Variants in SDC1 observed in about 807,000 individuals in gnomAD.
SDC1 encodes syndecan-1.
A neutral mutation model predicts 29.7 loss-of-function variants in SDC1; 14 were observed. The ratio of observed to expected loss-of-function variants is 0.47; its 90% CI spans 0.31 to 0.74. The LOEUF (loss-of-function observed/expected upper bound fraction) is 0.74. Ranked by LOEUF, SDC1 falls within the 30% of genes least tolerant of loss-of-function variation. SDC1 has a pLI of 0.05. For missense variants in SDC1, 406 were observed against 400.3 expected (o/e 1.01, Z -0.12); for synonymous variants, 204 against 175.5 (o/e 1.16, Z -1.29).
At chr2:20,219,638 C>G (rs533697096) in intron 1 of SDC1, among the ~76,000 whole-genome samples, 4 of 152,326 alleles carry the variant, frequency 2.6e-5, no homozygotes, top group African/African-American at 9.6e-5. Context: ...TCTGCTGGAA[C>G]AGCTGAGAGA....
In SDC1 at chr2:20,202,599, G is replaced by T; in HGVS notation, c.*167C>A. On this transcript the variant is annotated 3_prime_UTR_variant, in exon 5 of 5. Coordinates refer to ENST00000254351, the MANE Select transcript of SDC1 (RefSeq NM_002997.5). ...CAGGCAGAAGTCAGAGAAGCAGAGT[G>T]GAGCTCCCAGCACACCCCACGACTC... is the stretch of plus-strand genomic sequence containing the variant. The T allele has an allele frequency of 1.5e-6, 1 of 687,178 alleles. No individual in the cohort carries two copies. The highest frequency in any genetic ancestry group is 2.5e-6 in the Non-Finnish European group (1 of 398,274). 42.6% of individuals were successfully genotyped at this position (687,178 alleles called of 1,614,324 possible).
chr2:20,223,353 C>A, intron 1 of SDC1: 1 of 1,219,978 alleles, frequency 8.2e-7, no homozygotes, highest in Non-Finnish European at 1.1e-6. Context: ...GGAGGGTCAG[C>A]GCTGCTGAGA....
intron 2 of SDC1, 80 bp downstream of exon 2, chr2:20,205,259 TAAAC>T: frequency 9.4e-7 from 1 of 1,068,686 alleles, no homozygotes; most frequent in Non-Finnish European, 1.5e-6. Flanking sequence ...ACATGCTCAG[TAAAC>T]ACAGGAGACT....
intron 1 of SDC1, chr2:20,207,846 C>T: frequency 1.4e-6 from 1 of 693,570 alleles, no homozygotes; most frequent in Non-Finnish European, 1.8e-6. Context: ...CTGCCCTGGC[C>T]TCCCTCAACC....
In SDC1 at chr2:20,202,488, G is replaced by T; in HGVS notation, c.*278C>A. The T allele has an allele frequency of 1.7e-6, 1 of 592,964 alleles. No homozygotes were observed. The highest frequency in any genetic ancestry group is 3.0e-6 in the Non-Finnish European group (1 of 333,828). The allele number at this position is 592,964 out of a possible 1,614,324, so 36.7% of individuals were successfully genotyped here. A position where few individuals can be genotyped will look rare whatever the true frequency, so the allele number is the denominator to read the frequency against. Reference sequence around the variant, plus strand: ...CCTGGGGAGAGGCTGCTTCAGTTTGGAGAAACCGAGTCAGAATGGTGCGAT... The same window carrying T: ...CCTGGGGAGAGGCTGCTTCAGTTTGTAGAAACCGAGTCAGAATGGTGCGAT... On this transcript the variant is annotated 3_prime_UTR_variant, in exon 5 of 5. Transcript: ENST00000254351.
intron 1 of SDC1, among the ~76,000 whole-genome samples, chr2:20,219,410 G>A (rs1467167590): frequency 6.6e-6 from 1 of 152,180 alleles, no homozygotes; most frequent in Non-Finnish European, 1.5e-5. Context: ...CGATGGCGTG[G>A]GCCCCATGAC....
Position 20,225,123 on chromosome 2 carries a change from CA to C in SDC1, c.-257del. The C allele has an allele frequency of 6.5e-6, 2 of 308,376 alleles. No homozygotes were observed. Among genetic ancestry groups the C allele is most frequent in the Non-Finnish European group, 1.1e-5 (2 of 177,846 alleles). 19.1% of individuals were successfully genotyped at this position (308,376 alleles called of 1,614,324 possible). Reference sequence around the variant, plus strand: ...CCCACAGGCCCTTCCTTAGCCGTTGCAAAAACTGGCCCCCCACCCCCAGCTC... The same window carrying C: ...CCCACAGGCCCTTCCTTAGCCGTTGCAAAACTGGCCCCCCACCCCCAGCTC... On this transcript the variant is annotated 5_prime_UTR_variant, in exon 1 of 5. Coordinates refer to ENST00000254351, the MANE Select transcript of SDC1 (RefSeq NM_002997.5).
intron 1 of SDC1, among the ~76,000 whole-genome samples, chr2:20,219,525 T>A (rs1396845384): frequency 1.3e-5 from 2 of 152,152 alleles, no homozygotes; most frequent in East Asian, 3.9e-4. Context: ...CTCCTTGTGG[T>A]GAGGGGCATA....
intron 1 of SDC1, among the ~76,000 whole-genome samples, chr2:20,211,195 G>A (rs987270392): frequency 8.5e-5 from 13 of 152,130 alleles, no homozygotes; most frequent in African/African-American, 2.9e-4. Context: ...GAAGTCTTTC[G>A]AGTTCCCCGC....
intron 1 of SDC1, among the ~76,000 whole-genome samples, chr2:20,212,995 C>T (rs80098199): frequency 0.016 from 2,486 of 152,290 alleles, 68 homozygotes; most frequent in African/African-American, 0.056. Flanking sequence ...AGGTCAAGGT[C>T]GCAGAGCCGA....
At chr2:20,208,888 G>A (rs1283185416) in intron 1 of SDC1, among the ~76,000 whole-genome samples, 1 of 152,224 alleles carries the variant, frequency 6.6e-6, no homozygotes, top group East Asian at 1.9e-4. Context: ...TGCTAGGTAA[G>A]ATCTAGGCTT....
Position 20,225,118 on chromosome 2 carries a change from C to G in SDC1, c.-251G>C, listed in dbSNP as rs527942237. 4.3e-4 allele frequency: 144 copies of G among 334,684 alleles called. 1 individual carries two copies. In the East Asian group the frequency reaches 7.9e-3, roughly 18 times the overall value. The allele number at this position is 334,684 out of a possible 1,614,324, so 20.7% of individuals were successfully genotyped here. The stretch of plus-strand genomic sequence containing the variant: ...ATAAACCCACAGGCCCTTCCTTAGC[C>G]GTTGCAAAAACTGGCCCCCCACCCC... On this transcript the variant is annotated 5_prime_UTR_variant, in exon 1 of 5. Transcript: ENST00000254351.
At position 20,222,724 on chromosome 2, in the gene SDC1, G is replaced by C. The variant is rs112968631; in HGVS notation, c.66+2078C>G. Among the ~76,000 whole-genome samples, 1,215 of 152,274 alleles carry C rather than the reference G, an allele frequency of 8.0e-3. 9 individuals carry two copies. The highest frequency in any genetic ancestry group is 0.011 in the Non-Finnish European group (723 of 68,008). Reference sequence around the variant, plus strand: ...CTGCCCCAGCCCACAGAAAACTCCAGGAAAGGCAGTTCACGGGGAAGCCCA... The same window carrying C: ...CTGCCCCAGCCCACAGAAAACTCCACGAAAGGCAGTTCACGGGGAAGCCCA... On this transcript the variant is annotated intron_variant, in intron 1 of 4. Transcript: ENST00000254351.
chr2:20,224,776 C>T lies in SDC1; in HGVS notation c.66+26G>A. ...ACCAGTCCCGGCTTCCCGCCGCCTC[C>T]CCGCCTGGCCGCCGGCCGCACTCAC... On this transcript the variant is annotated intron_variant, in intron 1 of 4. Coordinates refer to ENST00000254351, the MANE Select transcript of SDC1 (RefSeq NM_002997.5). This position sits in a 1 kb window ranked among gnomAD's most constrained non-coding sequence, Gnocchi z 4.9. 2 of 1,305,050 alleles carry T rather than the reference C, an allele frequency of 1.5e-6. No individual in the cohort carries two copies. The highest frequency in any genetic ancestry group is 1.9e-6 in the Non-Finnish European group (2 of 1,026,208). The allele number at this position is 1,305,050 out of a possible 1,614,324, so 80.8% of individuals were successfully genotyped here. A position where few individuals can be genotyped will look rare whatever the true frequency, so the allele number is the denominator to read the frequency against.
In SDC1 at chr2:20,202,822, G is replaced by C; in HGVS notation, c.877C>G (p.Gln293Glu). The C allele has an allele frequency of 6.2e-7, 1 of 1,613,670 alleles. No individual in the cohort carries two copies. The highest frequency in any genetic ancestry group is 8.5e-7 in the Non-Finnish European group (1 of 1,179,802). ...EGSYSLEEPK[Q>E]ANGGAYQKPT... is the part of the protein sequence containing the mutation. Reference sequence around the variant, plus strand: ...TTCTGGTAGGCCCCGCCGTTGGCTTGTTTCGGCTCCTCCAAGGAGTAGCTG... The same window carrying C: ...TTCTGGTAGGCCCCGCCGTTGGCTTCTTTCGGCTCCTCCAAGGAGTAGCTG... Residue 293 changes from glutamine (Q) to glutamate (E), a missense_variant, in exon 5 of 5, where the codon CAA becomes GAA. Coordinates refer to ENST00000254351, the MANE Select transcript of SDC1 (RefSeq NM_002997.5).
chr2:20,217,485 A>T (rs971013204), intron 1 of SDC1, among the ~76,000 whole-genome samples: 4 of 152,068 alleles, frequency 2.6e-5, no homozygotes, highest in African/African-American at 7.2e-5. Flanking sequence ...GGCCATGCAC[A>T]CCCAAAAGCA....
At chr2:20,218,427 T>C (rs1677700164) in intron 1 of SDC1, among the ~76,000 whole-genome samples, 1 of 152,022 alleles carries the variant, frequency 6.6e-6, no homozygotes, top group African/African-American at 2.4e-5. Context: ...CCCCCAAAAC[T>C]GAGACTGCAG....
intron 1 of SDC1, among the ~76,000 whole-genome samples, chr2:20,214,226 A>AG (rs1369542626): frequency 6.6e-6 from 1 of 152,226 alleles, no homozygotes; most frequent in African/African-American, 2.4e-5. Flanking sequence ...CTGGAGTCAC[A>AG]GATGTACACG....
rs1412534441 is a variant in SDC1 at position 20,205,335 on chromosome 2, A to T, written c.148+8T>A. On this transcript the variant is annotated splice_region_variant and intron_variant, in intron 2 of 4. Coordinates refer to ENST00000254351, the MANE Select transcript of SDC1 (RefSeq NM_002997.5). ...CTTGGGTGGGGGGGGCCCCCATGAC[A>T]ACCTCACCTGCACCTGAGCCGGAGA... 6.2e-7 allele frequency: 1 copy of T among 1,612,922 alleles called. No homozygotes were observed. The highest frequency in any genetic ancestry group is 1.3e-5 in the African/African-American group (1 of 74,904).
Sources: allele counts gnomAD v4.1 joint callset (sites outside exome capture counted in the v4.1 genomes callset), GRCh38; gene constraint gnomAD v4.1.1; non-coding constraint Gnocchi (gnomAD v3.1); transcripts MANE v1.5; gene names NCBI Gene and HGNC (gene_info 2026-07-23, HGNC 2026-07-21).